The following CACNA2D1 variants were observed in gnomAD, a reference collection of about 807,000 sequenced individuals.
CACNA2D1 encodes the protein calcium voltage-gated channel auxiliary subunit alpha2delta 1.
Under a neutral mutation model 171.5 loss-of-function variants are expected in CACNA2D1, and 53 were observed. That is an observed-to-expected ratio of 0.31 (90% CI 0.25 to 0.39). CACNA2D1 has a LOEUF of 0.39. Among genes scored for constraint, CACNA2D1 ranks in the 10% least tolerant of loss-of-function variants. The pLI is 1.00. For missense variants in CACNA2D1, 903 were observed against 1,299.8 expected (o/e 0.69, Z 4.69); for synonymous variants, 442 against 443.1 (o/e 1.00, Z 0.03).
At chr7:82,214,645 A>G (rs920155574) in intron 3 of CACNA2D1, among the ~76,000 whole-genome samples, 1 of 152,206 alleles carries the variant, frequency 6.6e-6, no homozygotes, top group Non-Finnish European at 1.5e-5. Context: ...AATAATGGGC[A>G]TAGTTAACAC....
At chr7:82,046,121 T>A (rs1804524159) in intron 10 of CACNA2D1, among the ~76,000 whole-genome samples, 1 of 152,150 alleles carries the variant, frequency 6.6e-6, no homozygotes, top group African/African-American at 2.4e-5. Context: ...CCAGGAAAAA[T>A]TATTCATTAA....
chr7:82,123,606 C>T (rs1257832162), intron 5 of CACNA2D1, among the ~76,000 whole-genome samples: 2 of 152,142 alleles, frequency 1.3e-5, no homozygotes, highest in Non-Finnish European at 2.9e-5. Context: ...TGCCCACTGC[C>T]CAGGCAGCAC....
At chr7:82,126,609 T>C (rs1461284336) in intron 5 of CACNA2D1, among the ~76,000 whole-genome samples, 3 of 152,182 alleles carry the variant, frequency 2.0e-5, no homozygotes, top group South Asian at 2.1e-4. Flanking sequence ...AACACAAAAA[T>C]TGACCCAGCT....
At chr7:82,164,408 A>G (rs1197674102) in intron 4 of CACNA2D1, among the ~76,000 whole-genome samples, 1 of 151,492 alleles carries the variant, frequency 6.6e-6, no homozygotes, top group Non-Finnish European at 1.5e-5. Flanking sequence ...GGAGCATATA[A>G]AACAGAAATA....
chr7:82,080,899 A>G, intron 7 of CACNA2D1, among the ~76,000 whole-genome samples: 1 of 152,250 alleles, frequency 6.6e-6, no homozygotes, highest in East Asian at 1.9e-4. Context: ...ATTCTAGTTG[A>G]CATGCACTAT....
At chr7:82,114,033 A>C (rs898982875) in intron 6 of CACNA2D1, among the ~76,000 whole-genome samples, 2 of 152,176 alleles carry the variant, frequency 1.3e-5, no homozygotes, top group African/African-American at 4.8e-5. Context: ...ATTGATTCTC[A>C]AAATGTTAAG....
At chr7:81,977,041 A>C (rs1448276733) in intron 24 of CACNA2D1, among the ~76,000 whole-genome samples, 2 of 152,032 alleles carry the variant, frequency 1.3e-5, no homozygotes, top group East Asian at 1.9e-4. Flanking sequence ...AATACCCTTT[A>C]TTTCTTTCTC....
At chr7:82,399,643 A>G (rs1333154235) in intron 1 of CACNA2D1, among the ~76,000 whole-genome samples, 3 of 151,988 alleles carry the variant, frequency 2.0e-5, no homozygotes, top group African/African-American at 4.8e-5. Context: ...TCCTTTTTAT[A>G]AACAGATAAA....
At chr7:82,114,103 T>C (rs556320991) in intron 6 of CACNA2D1, among the ~76,000 whole-genome samples, 1 of 152,234 alleles carries the variant, frequency 6.6e-6, no homozygotes, top group South Asian at 2.1e-4. Context: ...TTATTTTAAA[T>C]TGGAAAGAAA....
intron 3 of CACNA2D1, among the ~76,000 whole-genome samples, chr7:82,187,791 G>T (rs1797912787): frequency 6.6e-6 from 1 of 152,076 alleles, no homozygotes; most frequent in East Asian, 1.9e-4. Flanking sequence ...ACCATAGACT[G>T]GGTAACTTAA....
At chr7:82,084,663 G>C in intron 7 of CACNA2D1, 106 bp downstream of exon 7, 6 of 1,229,088 alleles carry the variant, frequency 4.9e-6, no homozygotes, top group Non-Finnish European at 7.2e-6. Context: ...TATAAAAGTA[G>C]TGTGATATAG....
At chr7:82,275,697 G>T (rs1563295515) in intron 3 of CACNA2D1, among the ~76,000 whole-genome samples, 1 of 152,100 alleles carries the variant, frequency 6.6e-6, no homozygotes, top group East Asian at 1.9e-4. Flanking sequence ...AATACGCACA[G>T]GAAGGCAAAG....
At chr7:82,339,677 T>G (rs1049845551) in intron 2 of CACNA2D1, among the ~76,000 whole-genome samples, 3 of 152,112 alleles carry the variant, frequency 2.0e-5, no homozygotes, top group Non-Finnish European at 2.9e-5. Context: ...TTGGATGAAA[T>G]AGCATGGATC....
chr7:82,128,257 G>C (rs1790567941), intron 5 of CACNA2D1, among the ~76,000 whole-genome samples: 1 of 152,032 alleles, frequency 6.6e-6, no homozygotes, highest in Admixed American at 6.6e-5. Context: ...GTTTCAAGAG[G>C]AAAATCTGTT....
At chr7:81,954,564 C>T (rs1261626211) in intron 38 of CACNA2D1, among the ~76,000 whole-genome samples, 1 of 151,984 alleles carries the variant, frequency 6.6e-6, no homozygotes, top group East Asian at 1.9e-4. Context: ...CTTTCTTTCC[C>T]CATTCAGAAC....
intron 4 of CACNA2D1, among the ~76,000 whole-genome samples, chr7:82,170,093 T>G (rs1229363176): frequency 6.6e-6 from 1 of 151,906 alleles, no homozygotes; most frequent in Non-Finnish European, 1.5e-5. Context: ...TTTTAAGAAG[T>G]TGAATATATT....
chr7:81,973,727 C>T (rs37074), intron 25 of CACNA2D1, among the ~76,000 whole-genome samples: 48,912 of 151,312 alleles, frequency 0.32, 8,329 homozygotes, highest in African/African-American at 0.43. Context: ...CCCATTTGTA[C>T]GGTATTTGTT....
chr7:82,087,758 A>G (rs1810648721), intron 6 of CACNA2D1, among the ~76,000 whole-genome samples: 1 of 152,100 alleles, frequency 6.6e-6, no homozygotes, highest in African/African-American at 2.4e-5. Context: ...TATAAAATTA[A>G]ATAGCTCATC....
intron 3 of CACNA2D1, among the ~76,000 whole-genome samples, chr7:82,319,506 C>A (rs1815546750): frequency 1.3e-5 from 2 of 152,142 alleles, no homozygotes; most frequent in Admixed American, 6.5e-5. Context: ...TTTGAAAATC[C>A]ACATTTTAAA....
Sources: allele counts gnomAD v4.1 joint callset (sites outside exome capture counted in the v4.1 genomes callset), GRCh38; gene constraint gnomAD v4.1.1; transcripts MANE v1.5; gene names NCBI Gene and HGNC (gene_info 2026-07-23, HGNC 2026-07-21).